Variants in VTI1A observed in about 807,000 individuals in gnomAD.
VTI1A encodes vesicle transport through interaction with t-SNAREs homolog 1A.
A neutral mutation model predicts 34.9 loss-of-function variants in VTI1A; 22 were observed. The observed-to-expected ratio is 0.63, with a 90% CI of 0.45 to 0.90. VTI1A has a LOEUF of 0.90. Ranked by LOEUF, VTI1A falls within the 40% of genes least tolerant of loss-of-function variation. The pLI, the probability that VTI1A is intolerant of heterozygous loss-of-function variation, is 0.00. For synonymous variants in VTI1A, 87 were observed against 97.3 expected (o/e 0.89, Z 0.62); for missense variants, 268 against 275.6 (o/e 0.97, Z 0.20).
intron 5 of VTI1A, among the ~76,000 whole-genome samples, chr10:112,624,722 T>C (rs191502445): frequency 6.6e-6 from 1 of 152,310 alleles, no homozygotes; most frequent in Admixed American, 6.5e-5. Context: ...GAATCAGCAG[T>C]TTGGCAGTTT....
chr10:112,624,657 A>G (rs573022092), intron 5 of VTI1A, among the ~76,000 whole-genome samples: 26 of 152,354 alleles, frequency 1.7e-4, no homozygotes, highest in African/African-American at 6.3e-4. Context: ...CTCAAACCTC[A>G]TAACCTTTTA....
At chr10:112,753,440 A>G (rs918693345) in intron 7 of VTI1A, among the ~76,000 whole-genome samples, 1 of 152,170 alleles carries the variant, frequency 6.6e-6, no homozygotes, top group Non-Finnish European at 1.5e-5. Flanking sequence ...CAAATCCTAG[A>G]AAGAGTTTAT....
At chr10:112,478,621 A>T (rs1848360476) in intron 3 of VTI1A, among the ~76,000 whole-genome samples, 1 of 152,174 alleles carries the variant, frequency 6.6e-6, no homozygotes. Flanking sequence ...TAGCTTTTGT[A>T]TTCTAGCACA....
At chr10:112,790,705 G>C (rs1852434633) in intron 7 of VTI1A, among the ~76,000 whole-genome samples, 1 of 151,150 alleles carries the variant, frequency 6.6e-6, no homozygotes. Flanking sequence ...AGTTTTCTAT[G>C]AATAAGCACT....
intron 5 of VTI1A, among the ~76,000 whole-genome samples, chr10:112,571,468 G>A (rs1852117102): frequency 6.6e-6 from 1 of 152,166 alleles, no homozygotes; most frequent in South Asian, 2.1e-4. Context: ...GATGACTTTT[G>A]TTAAAAAGTC....
chr10:112,634,514 TACACAC>T (rs10545562), intron 5 of VTI1A, among the ~76,000 whole-genome samples: 46,347 of 144,226 alleles, frequency 0.32, 7,312 homozygotes, highest in East Asian at 0.36. Flanking sequence ...CACACACACA[TACACAC>T]ACACACACAC....
chr10:112,795,349 T>G (rs2134063436), intron 7 of VTI1A, among the ~76,000 whole-genome samples: 1 of 152,296 alleles, frequency 6.6e-6, no homozygotes, highest in South Asian at 2.1e-4. Context: ...AGTGAAGGAC[T>G]TAGGATAGTA....
chr10:112,660,931 G>A (rs973703345), intron 5 of VTI1A, among the ~76,000 whole-genome samples: 14 of 151,848 alleles, frequency 9.2e-5, no homozygotes, highest in Non-Finnish European at 1.9e-4. Flanking sequence ...TATTTTAAAC[G>A]GTTACTTTGA....
the VTI1A span, among the ~76,000 whole-genome samples, chr10:112,846,834 T>C: frequency 2.0e-5 from 3 of 151,702 alleles, no homozygotes; most frequent in Admixed American, 1.3e-4. Context: ...TTAATTTTAA[T>C]AGCCAAATTG....
intron 7 of VTI1A, among the ~76,000 whole-genome samples, chr10:112,700,134 AACAAAAC>A (rs1481974274): frequency 1.3e-4 from 18 of 138,832 alleles, no homozygotes; most frequent in African/African-American, 5.7e-4. Flanking sequence ...AAAAAAAAAA[AACAAAAC>A]AAAAAAAAAA....
chr10:112,644,250 TATCA>T (rs1564863331), intron 5 of VTI1A, among the ~76,000 whole-genome samples: 1 of 152,220 alleles, frequency 6.6e-6, no homozygotes, highest in Non-Finnish European at 1.5e-5. Context: ...CAGAGAAAAC[TATCA>T]ATCAGGTACA....
intron 5 of VTI1A, among the ~76,000 whole-genome samples, chr10:112,647,682 TTTA>T (rs1846853812): frequency 1.3e-5 from 2 of 152,222 alleles, no homozygotes; most frequent in Admixed American, 6.5e-5. Context: ...TATAGATTTG[TTTA>T]TTATCAGTAT....
At chr10:112,780,725 G>A (rs990236586) in intron 7 of VTI1A, among the ~76,000 whole-genome samples, 1 of 151,980 alleles carries the variant, frequency 6.6e-6, no homozygotes, top group African/African-American at 2.4e-5. Context: ...AAAGCCACAT[G>A]GCTGATAGAA....
At chr10:112,566,267 CAT>C (rs1851900380) in intron 5 of VTI1A, among the ~76,000 whole-genome samples, 1 of 152,082 alleles carries the variant, frequency 6.6e-6, no homozygotes, top group East Asian at 1.9e-4. Context: ...GACTAGCTAA[CAT>C]ATAAAAAACT....
At position 112,533,655 on chromosome 10, in the gene VTI1A, C is replaced by G. The variant is rs950044140; in HGVS notation, c.343-4591C>G. ...TTTGGATTTGTTTTTCCAGGTAAAT[C>G]TATACATAGCAAAAAGTATCATTTA... On this transcript the variant is annotated intron_variant, in intron 4 of 7. Coordinates refer to ENST00000393077, the MANE Select transcript of VTI1A (RefSeq NM_145206.4). 3 of 616,022 alleles carry G rather than the reference C, an allele frequency of 4.9e-6. No individual in the cohort carries two copies. The African/African-American group carries it at 6.0e-5, about 12-fold the overall frequency. The allele number at this position is 616,022 out of a possible 1,614,324, so 38.2% of individuals were successfully genotyped here. A position where few individuals can be genotyped will look rare whatever the true frequency, so the allele number is the denominator to read the frequency against.
At chr10:112,559,596 CCCCAGTGCTGCCAT>C (rs1434437237) in intron 5 of VTI1A, among the ~76,000 whole-genome samples, 1 of 152,124 alleles carries the variant, frequency 6.6e-6, no homozygotes, top group African/African-American at 2.4e-5. Flanking sequence ...TACATGCACC[CCCCAGTGCTGCCAT>C]CCCGCACAGC....
intron 3 of VTI1A, among the ~76,000 whole-genome samples, chr10:112,477,129 A>G (rs1371748220): frequency 6.6e-6 from 1 of 152,200 alleles, no homozygotes; most frequent in East Asian, 1.9e-4. Flanking sequence ...AGAATGGACC[A>G]TGTGTACAAA....
chr10:112,846,729 G>A, the VTI1A span, among the ~76,000 whole-genome samples: 1 of 146,526 alleles, frequency 6.8e-6, no homozygotes, highest in African/African-American at 2.6e-5. Context: ...TCGCGCCACT[G>A]CACTCCAGCC....
At chr10:112,598,059 CATAGAA>C (rs1844735110) in intron 5 of VTI1A, among the ~76,000 whole-genome samples, 1 of 152,074 alleles carries the variant, frequency 6.6e-6, no homozygotes, top group South Asian at 2.1e-4. Context: ...TACCTGGTGT[CATAGAA>C]AGTACTGAGC....
Sources: allele counts gnomAD v4.1 joint callset (sites outside exome capture counted in the v4.1 genomes callset), GRCh38; gene constraint gnomAD v4.1.1; transcripts MANE v1.5; gene names NCBI Gene and HGNC (gene_info 2026-07-23, HGNC 2026-07-21).